The following FASN variants were observed in gnomAD, a reference collection of about 807,000 sequenced individuals.
FASN encodes the protein 3-hydroxyacyl-[acyl-carrier-protein] dehydratase.
Under a neutral mutation model 250.0 loss-of-function variants are expected in FASN, and 50 were observed. The ratio of observed to expected loss-of-function variants is 0.20; its 90% CI spans 0.16 to 0.25. The LOEUF (loss-of-function observed/expected upper bound fraction) is 0.25. Among genes scored for constraint, FASN ranks in the 10% least tolerant of loss-of-function variants. The pLI is 1.00. For missense variants in FASN, 3,031 were observed against 3,498.5 expected (o/e 0.87, Z 3.37); for synonymous variants, 1,909 against 1,584.0 (o/e 1.21, Z -4.87).
At position 82,087,820 on chromosome 17, in the gene FASN, C is replaced by A. The variant is rs750691718; in HGVS notation, c.2908G>T (p.Asp970Tyr). 6 of 1,612,576 alleles carry A rather than the reference C, an allele frequency of 3.7e-6. No homozygotes were observed. The highest frequency in any genetic ancestry group is 5.1e-6 in the Non-Finnish European group (6 of 1,179,904). ...QWDDPDPRLFDHPESPTPNPT... is the reference protein window; with the variant it reads ...QWDDPDPRLFYHPESPTPNPT... ...TTGGGGGTGGGGCTTTCCGGGTGGT[C>A]GAAGAGCCTGGGGTCAGGGTCATCC... is the stretch of plus-strand genomic sequence containing the variant. Residue 970 changes from aspartate to tyrosine, a missense_variant, in exon 19 of 43, where the codon GAC becomes TAC. By Grantham distance (160) the Asp-to-Tyr change is radical. Transcript: ENST00000306749.
chr17:82,079,314 C>G (rs1204243323), intron 42 of FASN, 34 bp from the exon 43 acceptor site: 1 of 1,613,016 alleles, frequency 6.2e-7, no homozygotes. Flanking sequence ...CGTCCCACCC[C>G]ACTCCTGTCC....
At chr17:82,097,695 TC>T (rs1264146463) in intron 1 of FASN, among the ~76,000 whole-genome samples, 3 of 151,844 alleles carry the variant, frequency 2.0e-5, no homozygotes, top group African/African-American at 7.3e-5. Flanking sequence ...GGGAGGCCGG[TC>T]CCGGCGCGGC....
rs1003762468 is a variant in FASN at position 82,087,429 on chromosome 17, C to G, written c.3119G>C (p.Gly1040Ala). 6.2e-6 allele frequency: 10 copies of G among 1,612,542 alleles called. No individual in the cohort carries two copies. Among genetic ancestry groups the G allele is most frequent in the South Asian group, 1.1e-5 (1 of 91,092 alleles). ...MDTMLQMSIL[G>A]SAKHGLYLPT... ...CAGGTACAGGCCGTGCTTGGCCGAG[C>G]CCAGGATGGACATCTGCAGCATGGT... Residue 1040 changes from glycine to alanine, a missense_variant, in exon 20 of 43, where the codon GGC becomes GCC. By Grantham distance (60) the Gly-to-Ala change is moderately conservative (BLOSUM62 0). Coordinates refer to ENST00000306749, the MANE Select transcript of FASN (RefSeq NM_004104.5).
intron 12 of FASN, 41 bp downstream of exon 12, chr17:82,089,577 ACTTGCAATGGCAGG>A (rs1332465249): frequency 4.3e-5 from 67 of 1,550,312 alleles, no homozygotes; most frequent in Non-Finnish European, 5.8e-5. Flanking sequence ...TCCCTGCCAG[ACTTGCAATGGCAGG>A]CGCAGGGGAC....
chr17:82,079,925 C>G (rs1166837005), intron 41 of FASN: 12 of 653,392 alleles, frequency 1.8e-5, no homozygotes, highest in East Asian at 2.7e-5. Flanking sequence ...TCAGGCTGGT[C>G]TCGAACTCCC....
Position 82,091,373 on chromosome 17 carries a change from G to A in FASN, c.1341C>T (p.Asp447=). Residue 447 remains aspartate (D), a synonymous_variant, in exon 9 of 43, where the codon GAC becomes GAT. Transcript: ENST00000306749. ...LLEQGLRHSQ[D]LAFLSMLNDI... is the part of the protein sequence containing the mutation. The stretch of plus-strand genomic sequence containing the variant: ...CGTTCAGCATGCTCAGGAAAGCCAG[G>A]TCCTGGCTGTGCCGGAGGCCCTGCT... 6 of 1,611,182 alleles carry A rather than the reference G, an allele frequency of 3.7e-6. No individual in the cohort carries two copies. The highest frequency in any genetic ancestry group is 2.2e-5 in the East Asian group (1 of 44,826).
In FASN at chr17:82,082,510, T is replaced by C. The variant is rs1359436789; in HGVS notation, c.5919+17A>G. On this transcript the variant is annotated intron_variant, in intron 34 of 42. Coordinates refer to ENST00000306749, the MANE Select transcript of FASN (RefSeq NM_004104.5). ...GTCTTGGGGCTTTTGAGGGCCCCAT[T>C]TGGGGCCTTCCCTCACCACGGCCAG... 6.2e-7 allele frequency: 1 copy of C among 1,609,062 alleles called. No individual in the cohort carries two copies. Among genetic ancestry groups the C allele is most frequent in the African/African-American group, 1.3e-5 (1 of 74,920 alleles).
intron 37 of FASN, 21 bp from the exon 38 acceptor site, chr17:82,081,373 C>G (rs200278485): frequency 1.3e-6 from 2 of 1,558,954 alleles, no homozygotes; most frequent in East Asian, 2.4e-5. Context: ...TGCGCCGGGT[C>G]GGCAACTCCA....
chr17:82,095,169 T>C, intron 3 of FASN, 151 bp downstream of exon 3: 2 of 958,582 alleles, frequency 2.1e-6, no homozygotes, highest in South Asian at 2.6e-5. Context: ...GGCCCACACC[T>C]CCCTGAGCCC....
In FASN at chr17:82,087,227, G is replaced by A. The variant is rs1454416519; in HGVS notation, c.3250C>T (p.Leu1084=). 1 of 1,607,914 alleles carries A rather than the reference G, an allele frequency of 6.2e-7. No individual in the cohort carries two copies. The highest frequency in any genetic ancestry group is 1.1e-5 in the South Asian group (1 of 90,346). ...QVADVVVSRW[L]RVTVAGGVHI... is the part of the protein sequence containing the mutation. ...ACGCCTCCGGCCACTGTGACCCTCA[G>A]CCACCTGCTCACCACCACGTCAGCC... The change falls in exon 21 of 43, where the codon CTG becomes TTG. Residue 1084 remains leucine (L), a synonymous_variant. Coordinates refer to ENST00000306749, the MANE Select transcript of FASN (RefSeq NM_004104.5).
At position 82,089,282 on chromosome 17, in the gene FASN, T is replaced by C. The variant is rs1292365791; in HGVS notation, c.2068A>G (p.Ile690Val). 14 of 1,612,698 alleles carry C rather than the reference T, an allele frequency of 8.7e-6. No individual in the cohort carries two copies. Among genetic ancestry groups the C allele is most frequent in the Non-Finnish European group, 1.1e-5 (13 of 1,179,930 alleles). ...AGCTCCTGCAGCAGTGGGGGTGCGA[T>C]GGCCTCCATGAAGTAGGAGTGGAAG... ...MAFHSYFMEAIAPPLLQELKK... is the reference protein window; with the variant it reads ...MAFHSYFMEAVAPPLLQELKK... Residue 690 changes from isoleucine (I) to valine (V), a missense_variant, in exon 13 of 43, where the codon ATC becomes GTC. Coordinates refer to ENST00000306749, the MANE Select transcript of FASN (RefSeq NM_004104.5).
chr17:82,082,294 A>G, intron 35 of FASN, 29 bp downstream of exon 35: 1 of 1,610,512 alleles, frequency 6.2e-7, no homozygotes, highest in Non-Finnish European at 8.5e-7. Context: ...AGCCCGGCAG[A>G]GGCGGGAGCA....
Position 82,091,490 on chromosome 17 carries a change from C to T in FASN, c.1224G>A (p.Thr408=), listed in dbSNP as rs143838160. The change falls in exon 9 of 43, where the codon ACG becomes ACA. Residue 408 remains threonine, a synonymous_variant. Coordinates refer to ENST00000306749, the MANE Select transcript of FASN (RefSeq NM_004104.5). The stretch of plus-strand genomic sequence containing the variant: ...GTGGGGCGGGTGCGGGGGGCGGCTG[C>T]GTGTTGGGCCTCAGGATGATGTGCA... ...SNVHIILRPN[T]QPPPAPAPHA... 1.0e-4 allele frequency: 160 copies of T among 1,604,714 alleles called. No individual in the cohort carries two copies. In the African/African-American group the frequency reaches 1.6e-3, roughly 16 times the overall value.
In FASN at chr17:82,079,443, T is replaced by C; in HGVS notation, c.7312A>G (p.Lys2438Glu). The C allele has an allele frequency of 6.2e-7, 1 of 1,613,028 alleles. No individual in the cohort carries two copies. Among genetic ancestry groups the C allele is most frequent in the African/African-American group, 1.3e-5 (1 of 75,044 alleles). The stretch of plus-strand genomic sequence containing the variant: ...AGTAGCATCACGTTGCCATGGTACT[T>C]GGCCTTGGGTGTGTACTGCTCAGCG... ...RAAEQYTPKA[K>E]YHGNVMLLRA... Residue 2438 changes from lysine to glutamate, a missense_variant, in exon 42 of 43, where the codon AAG (lysine) becomes GAG (glutamate). Coordinates refer to ENST00000306749, the MANE Select transcript of FASN (RefSeq NM_004104.5).
In FASN at chr17:82,096,953, C is replaced by A. The variant is rs117322529; in HGVS notation, c.-7-501G>T. On this transcript the variant is annotated intron_variant, in intron 1 of 42. Transcript: ENST00000306749. ...AAATGGAGAGGCAGGGTCCCAAAGC[C>A]GGGGCATGGAGGTGGCTGGGAGCCC... 1.8e-3 allele frequency: 438 copies of A among 238,068 alleles called. 3 individuals carry two copies. The East Asian group carries it at 0.029, about 16-fold the overall frequency. The allele number at this position is 238,068 out of a possible 1,614,324, so 14.7% of individuals were successfully genotyped here. A position where few individuals can be genotyped will look rare whatever the true frequency, so the allele number is the denominator to read the frequency against.
intron 41 of FASN, 30 bp downstream of exon 41, chr17:82,080,110 C>T: frequency 6.2e-7 from 1 of 1,604,130 alleles, no homozygotes; most frequent in Non-Finnish European, 8.5e-7. Flanking sequence ...TACTCTGGGT[C>T]CTGCGGCCTC....
chr17:82,087,660 G>A, intron 19 of FASN, 25 bp downstream of exon 19: 1 of 1,609,248 alleles, frequency 6.2e-7, no homozygotes, highest in Admixed American at 1.7e-5. Flanking sequence ...CCGGTGGCTT[G>A]GGCAGCAGTG....
chr17:82,095,240 G>A lies in FASN; in HGVS notation c.280+80C>T. On this transcript the variant is annotated intron_variant, in intron 3 of 42. Coordinates refer to ENST00000306749, the MANE Select transcript of FASN (RefSeq NM_004104.5). ...GTGGTGCCAGCACCTGGTTCTACCA[G>A]AACCAAGAAGAGAAAACACTGCCTA... The A allele has an allele frequency of 3.3e-6, 5 of 1,525,252 alleles. No homozygotes were observed. In the South Asian group the frequency reaches 5.6e-5, roughly 17 times the overall value. 94.5% of individuals were successfully genotyped at this position (1,525,252 alleles called of 1,614,324 possible). A position where few individuals can be genotyped will look rare whatever the true frequency, so the allele number is the denominator to read the frequency against.
chr17:82,079,631 G>A, intron 41 of FASN, 23 bp from the exon 42 acceptor site: 1 of 1,597,730 alleles, frequency 6.3e-7, no homozygotes. Flanking sequence ...GCTCTGAGCA[G>A]GTGCTGGCAG....
Sources: allele counts gnomAD v4.1 joint callset (sites outside exome capture counted in the v4.1 genomes callset), GRCh38; gene constraint gnomAD v4.1.1; transcripts MANE v1.5; gene names NCBI Gene and HGNC (gene_info 2026-07-23, HGNC 2026-07-21).